The following BIRC2 variants were observed in gnomAD, a reference collection of about 807,000 sequenced individuals.
The protein encoded by BIRC2 is baculoviral IAP repeat containing 2.
In BIRC2, 18 loss-of-function variants were observed where a neutral mutation model predicts 60.9. The ratio of observed to expected loss-of-function variants is 0.30; its 90% CI spans 0.20 to 0.44. The LOEUF (loss-of-function observed/expected upper bound fraction) is 0.44, where lower values mean the gene tolerates loss of function less well. Ranked by LOEUF, BIRC2 falls within the 20% of genes least tolerant of loss-of-function variation. BIRC2 has a pLI of 1.00. For missense variants in BIRC2, 701 were observed against 728.5 expected, an observed-to-expected ratio of 0.96 and a Z score of 0.43; for synonymous variants, 282 against 247.7, an observed-to-expected ratio of 1.14 and a Z score of -1.30.
chr11:102,374,308 T>C (rs1301561410), intron 6 of BIRC2, among the ~76,000 whole-genome samples: 10 of 150,776 alleles, frequency 6.6e-5, no homozygotes, highest in Admixed American at 6.6e-4. Context: ...TTTATCTATT[T>C]TTGGTCTTTG....
chr11:102,364,841 C>T (rs1033968894), intron 5 of BIRC2, among the ~76,000 whole-genome samples: 1 of 152,132 alleles, frequency 6.6e-6, no homozygotes, highest in African/African-American at 2.4e-5. Context: ...CAACTATCTC[C>T]CGTGTAATAG....
chr11:102,377,873 G>A lies in BIRC2; in HGVS notation c.1638G>A (p.Lys546=), dbSNP rs199745735. 2.0e-4 allele frequency: 329 copies of A among 1,610,924 alleles called. 2 individuals carry two copies. The East Asian group carries it at 7.2e-3, about 35-fold the overall frequency. The change falls in exon 8 of 9, where the codon AAG becomes AAA. Residue 546 remains lysine (K), a synonymous_variant. Coordinates refer to ENST00000227758, the MANE Select transcript of BIRC2 (RefSeq NM_001166.5). ...TTTCCTCAGTGGATAAGAATATGAA[G>A]TATATTCCAACAGAAGATGTTTCAG... The part of the protein sequence containing the change: ...YKNLFVDKNM[K]YIPTEDVSGL...
intron 3 of BIRC2, among the ~76,000 whole-genome samples, chr11:102,357,061 A>C (rs1325074937): frequency 6.6e-6 from 1 of 152,134 alleles, no homozygotes; most frequent in Non-Finnish European, 1.5e-5. Flanking sequence ...CTCAGGGATA[A>C]ATCTCACTTG....
chr11:102,352,179 TC>T (rs1166576254), intron 3 of BIRC2, among the ~76,000 whole-genome samples: 1 of 151,656 alleles, frequency 6.6e-6, no homozygotes, highest in Non-Finnish European at 1.5e-5. Context: ...AGTGGCGCGA[TC>T]TCGGCTCACT....
chr11:102,350,822 T>A, intron 2 of BIRC2, 22 bp from the exon 3 acceptor site: 2 of 1,612,098 alleles, frequency 1.2e-6, no homozygotes, highest in Non-Finnish European at 1.7e-6. Flanking sequence ...GTTTTCAATA[T>A]TTAGTCTTTT....
chr11:102,374,876 G>GT (rs1232854540), intron 6 of BIRC2, among the ~76,000 whole-genome samples: 1 of 152,180 alleles, frequency 6.6e-6, no homozygotes, highest in Non-Finnish European at 1.5e-5. Context: ...TTGGTTCGCC[G>GT]TTTTTTAAGC....
At position 102,347,303 on chromosome 11, in the gene BIRC2, C is replaced by A. The variant is rs995935847; in HGVS notation, c.-1331C>A. On this transcript the variant is annotated 5_prime_UTR_variant, in exon 1 of 9. Transcript: ENST00000227758. ...CGAGCGGGCCGTATCTCCTTGTCGG[C>A]GCCGCTGATTCCCGGCTCTGCGGAG... is the stretch of plus-strand genomic sequence containing the variant. 2 of 152,326 alleles carry A rather than the reference C, an allele frequency of 1.3e-5. No homozygotes were observed. Among genetic ancestry groups the A allele is most frequent in the African/African-American group, 4.8e-5 (2 of 41,472 alleles). The allele number at this position is 152,326 out of a possible 1,614,324, so 9.4% of individuals were successfully genotyped here.
chr11:102,374,372 G>T lies in BIRC2; in HGVS notation c.1367-3124G>T, dbSNP rs1351559695. 2.0e-5 allele frequency among the ~76,000 whole-genome samples: 3 copies of T among 148,682 alleles called. No individual in the cohort carries two copies. The East Asian group carries it at 5.9e-4, about 29-fold the overall frequency. Reference sequence around the variant, plus strand: ...GTGTGGATGTCCTTTCTGTTTGTTAGTTTTCCTTCTAACAGACAGGACCCT... The same window carrying T: ...GTGTGGATGTCCTTTCTGTTTGTTATTTTTCCTTCTAACAGACAGGACCCT... On this transcript the variant is annotated intron_variant, in intron 6 of 8. Transcript: ENST00000227758.
chr11:102,374,636 GC>G (rs1344154771), intron 6 of BIRC2, among the ~76,000 whole-genome samples: 2 of 152,000 alleles, frequency 1.3e-5, no homozygotes, highest in African/African-American at 4.8e-5. Context: ...TCTGTGCCCT[GC>G]CCCCAGAGGT....
Position 102,377,992 on chromosome 11 carries a change from C to G in BIRC2, c.1666C>G (p.Leu556Val), listed in dbSNP as rs1005806850. 6.2e-7 allele frequency: 1 copy of G among 1,606,278 alleles called. No individual in the cohort carries two copies. The highest frequency in any genetic ancestry group is 1.3e-5 in the African/African-American group (1 of 74,372). Residue 556 changes from leucine (L) to valine (V), a missense_variant and splice_region_variant, in exon 9 of 9, where the codon CTG becomes GTG. This residue lies in a region of BIRC2 where 52 missense variants were observed against 83.9 expected (regional missense o/e 0.62). Coordinates refer to ENST00000227758, the MANE Select transcript of BIRC2 (RefSeq NM_001166.5). The part of the protein sequence containing the change: ...KYIPTEDVSG[L>V]SLEEQLRRLQ... ...CTAAAGTTATTTTTTGTTATTAGGT[C>G]TGTCACTGGAAGAACAATTGAGGAG...
chr11:102,354,407 C>T (rs1015616256), intron 3 of BIRC2, among the ~76,000 whole-genome samples: 2 of 152,112 alleles, frequency 1.3e-5, no homozygotes, highest in African/African-American at 4.8e-5. Flanking sequence ...CGGGGTTTCA[C>T]CATGTTGGCC....
Position 102,356,240 on chromosome 11 carries a change from G to C in BIRC2, c.995+5297G>C, listed in dbSNP as rs994342941. ...AGATGGAATTTTGCTCTGTTGCCCA[G>C]GCTAGAATGCAGTGGCGCAATCTGA... On this transcript the variant is annotated intron_variant, in intron 3 of 8. Transcript: ENST00000227758. Among the ~76,000 whole-genome samples, 5 of 145,804 alleles carry C rather than the reference G, an allele frequency of 3.4e-5. 1 individual carries two copies. Among genetic ancestry groups the C allele is most frequent in the African/African-American group, 1.3e-4 (5 of 38,900 alleles).
chr11:102,367,916 C>T (rs1019014884), intron 5 of BIRC2, among the ~76,000 whole-genome samples: 3 of 152,298 alleles, frequency 2.0e-5, no homozygotes, highest in Admixed American at 6.5e-5. Flanking sequence ...TTTGTGATTT[C>T]CCCCCACTTT....
chr11:102,363,058 G>T, intron 4 of BIRC2, 84 bp downstream of exon 4: 1 of 1,088,978 alleles, frequency 9.2e-7, no homozygotes, highest in Non-Finnish European at 1.3e-6. Context: ...AAGTGATCAT[G>T]ATTTTTGCCA....
At position 102,377,688 on chromosome 11, in the gene BIRC2, C is replaced by T. The variant is rs368738246; in HGVS notation, c.1559C>T (p.Ala520Val). Residue 520 changes from alanine to valine, a missense_variant, in exon 7 of 9, where the codon GCG (alanine) becomes GTG (valine). By Grantham distance (64) the Ala-to-Val change is moderately conservative. Transcript: ENST00000227758. The stretch of plus-strand genomic sequence containing the variant: ...ACCATTTTGGTTAAAGGAAATGCTG[C>T]GGCCAACATCTTCAAAAACTGTCTA... ...IDTILVKGNA[A>V]ANIFKNCLKE... 16 of 1,610,296 alleles carry T rather than the reference C, an allele frequency of 9.9e-6. No individual in the cohort carries two copies. The highest frequency in any genetic ancestry group is 2.7e-5 in the African/African-American group (2 of 74,582).
At chr11:102,376,445 C>T (rs573455532) in intron 6 of BIRC2, among the ~76,000 whole-genome samples, 1 of 152,306 alleles carries the variant, frequency 6.6e-6, no homozygotes, top group South Asian at 2.1e-4. Flanking sequence ...GAGCAGTTCA[C>T]TTCTAGAGAG....
intron 6 of BIRC2, among the ~76,000 whole-genome samples, chr11:102,368,887 G>A (rs1036615645): frequency 6.6e-6 from 1 of 151,358 alleles, no homozygotes; most frequent in South Asian, 2.1e-4. Context: ...GTTAAAGTTG[G>A]ATGCAGGTCT....
At chr11:102,375,393 A>G (rs755142718) in intron 6 of BIRC2, among the ~76,000 whole-genome samples, 2 of 152,206 alleles carry the variant, frequency 1.3e-5, no homozygotes, top group African/African-American at 2.4e-5. Context: ...GCTTGTAAGT[A>G]AAGACAGGAA....
chr11:102,355,213 T>A (rs956036342), intron 3 of BIRC2, among the ~76,000 whole-genome samples: 2 of 152,158 alleles, frequency 1.3e-5, no homozygotes, highest in Non-Finnish European at 2.9e-5. Flanking sequence ...AGCCTACGTT[T>A]TCTTTAAGGA....
Sources: allele counts gnomAD v4.1 joint callset (sites outside exome capture counted in the v4.1 genomes callset), GRCh38; gene constraint gnomAD v4.1.1; regional missense constraint gnomAD v4.1.1; transcripts MANE v1.5; gene names NCBI Gene and HGNC (gene_info 2026-07-23, HGNC 2026-07-21).